The following NRG3 variants were observed in gnomAD, a reference collection of about 807,000 sequenced individuals.
NRG3 encodes the protein neuregulin 3.
In NRG3, 31 loss-of-function variants were observed where a neutral mutation model predicts 66.9. That is an observed-to-expected ratio of 0.46 (90% CI 0.35 to 0.63). The LOEUF (loss-of-function observed/expected upper bound fraction) is 0.63, where lower values mean the gene tolerates loss of function less well. Ranked by LOEUF, NRG3 falls within the 20% of genes least tolerant of loss-of-function variation. The probability of loss-of-function intolerance (pLI) is 0.00; values close to 1 mark genes in which losing one functional copy is unlikely to be tolerated. For synonymous variants in NRG3, 393 were observed against 359.4 expected, an observed-to-expected ratio of 1.09 and a Z score of -1.06; for missense variants, 910 against 878.9, an observed-to-expected ratio of 1.04 and a Z score of -0.45.
At chr10:82,462,775 A>T (rs1019087216) in intron 2 of NRG3, among the ~76,000 whole-genome samples, 4 of 152,222 alleles carry the variant, frequency 2.6e-5, no homozygotes, top group African/African-American at 9.6e-5. Flanking sequence ...GGAGAAAGAT[A>T]GTAAATCTGA....
chr10:82,673,865 A>T (rs1195449994), intron 2 of NRG3, among the ~76,000 whole-genome samples: 1 of 152,174 alleles, frequency 6.6e-6, no homozygotes, highest in Non-Finnish European at 1.5e-5. Context: ...CATTTAAGCC[A>T]GTGTCATGAA....
At chr10:82,784,615 C>T (rs2060264397) in intron 3 of NRG3, among the ~76,000 whole-genome samples, 1 of 152,116 alleles carries the variant, frequency 6.6e-6, no homozygotes, top group Non-Finnish European at 1.5e-5. Context: ...TGCTCATCAT[C>T]ACTGGCCATC....
At chr10:82,854,108 G>T (rs117697084) in intron 3 of NRG3, among the ~76,000 whole-genome samples, 1,580 of 152,304 alleles carry the variant, frequency 0.01, 77 homozygotes, top group Admixed American at 0.078. Context: ...AGAGGCGGAA[G>T]AAAATCACAG....
chr10:82,591,151 G>C (rs1037985203), intron 2 of NRG3, among the ~76,000 whole-genome samples: 1 of 152,172 alleles, frequency 6.6e-6, no homozygotes, highest in Admixed American at 6.5e-5. Context: ...ATACGGCCCG[G>C]GTGACGGGCT....
intron 2 of NRG3, among the ~76,000 whole-genome samples, chr10:82,484,578 G>C (rs1233864456): frequency 6.6e-6 from 1 of 152,014 alleles, no homozygotes; most frequent in Non-Finnish European, 1.5e-5. Flanking sequence ...GCTATCTTTG[G>C]CATTAATTAC....
Position 82,447,678 on chromosome 10 carries a change from A to C in NRG3, c.953+88810A>C, listed in dbSNP as rs1214610119. ...TTGTATTCTATGTAACAACTAGCAG[A>C]GTTGCATTCCTCTCTTAAGTAGTTT... On this transcript the variant is annotated intron_variant, in intron 2 of 8. Transcript: ENST00000372141. Among the ~76,000 whole-genome samples the C allele has an allele frequency of 2.6e-5, 4 of 152,378 alleles. No individual in the cohort carries two copies. In the East Asian group the frequency reaches 7.7e-4, roughly 29 times the overall value.
At chr10:82,057,050 A>G (rs1263404063) in intron 1 of NRG3, among the ~76,000 whole-genome samples, 5 of 152,150 alleles carry the variant, frequency 3.3e-5, no homozygotes, top group Admixed American at 6.5e-5. Context: ...TTTATTTTCT[A>G]TTAGGATTTT....
At chr10:81,990,353 A>G (rs1054233490) in intron 1 of NRG3, among the ~76,000 whole-genome samples, 3 of 152,078 alleles carry the variant, frequency 2.0e-5, no homozygotes, top group Admixed American at 2.0e-4. Flanking sequence ...ACTTAAGTCT[A>G]TTTTCTCCAA....
intron 1 of NRG3, among the ~76,000 whole-genome samples, chr10:82,132,489 TATG>T (rs1299460057): frequency 1.8e-5 from 1 of 56,822 alleles, no homozygotes; most frequent in African/African-American, 7.9e-5. Context: ...GATATATATA[TATG>T]ATATATATAT....
chr10:82,626,866 T>C (rs969415314), intron 2 of NRG3, among the ~76,000 whole-genome samples: 2 of 152,152 alleles, frequency 1.3e-5, no homozygotes, highest in Admixed American at 6.6e-5. Context: ...AGACTCACAG[T>C]TGACCTGTTA....
At chr10:82,016,680 A>G (rs970514595) in intron 1 of NRG3, among the ~76,000 whole-genome samples, 7 of 152,202 alleles carry the variant, frequency 4.6e-5, no homozygotes, top group Admixed American at 3.9e-4. Flanking sequence ...TTATGTTTTA[A>G]GTGAAAAGTA....
At chr10:82,301,132 G>T (rs553704405) in intron 1 of NRG3, among the ~76,000 whole-genome samples, 1 of 152,128 alleles carries the variant, frequency 6.6e-6, no homozygotes, top group African/African-American at 2.4e-5. Context: ...TAACAGTGGC[G>T]TGTGACATCT....
chr10:81,918,620 A>G (rs2132839676), intron 1 of NRG3, among the ~76,000 whole-genome samples: 1 of 152,332 alleles, frequency 6.6e-6, no homozygotes, highest in African/African-American at 2.4e-5. Context: ...TTGCATGTGT[A>G]GCATGCACCT....
chr10:82,898,208 G>T (rs1337982727), intron 4 of NRG3, among the ~76,000 whole-genome samples: 2 of 152,190 alleles, frequency 1.3e-5, no homozygotes, highest in South Asian at 2.1e-4. Flanking sequence ...CTGAGCCCTG[G>T]TTGCCTACAG....
chr10:82,576,399 C>A (rs889229312), intron 2 of NRG3, among the ~76,000 whole-genome samples: 3 of 151,490 alleles, frequency 2.0e-5, no homozygotes, highest in Non-Finnish European at 4.4e-5. Context: ...TGCTCCCCTC[C>A]CCTCCTAGAC....
In NRG3 at chr10:82,733,081, C is replaced by A. The variant is rs556136747; in HGVS notation, c.954-5496C>A. ...ATAAACCATATAGTTTGTCTACAAC[C>A]ATTTCCCTTGTGAAGCTAATTGATT... On this transcript the variant is annotated intron_variant, in intron 2 of 8. Transcript: ENST00000372141. Among the ~76,000 whole-genome samples, 7 of 152,256 alleles carry A rather than the reference C, an allele frequency of 4.6e-5. No homozygotes were observed. The East Asian group carries it at 7.7e-4, about 17-fold the overall frequency.
At chr10:82,211,538 G>A (rs566031673) in intron 1 of NRG3, among the ~76,000 whole-genome samples, 8 of 152,176 alleles carry the variant, frequency 5.3e-5, no homozygotes, top group Admixed American at 1.3e-4. Flanking sequence ...CTGAATAAGC[G>A]TGCACAGGAT....
At chr10:82,794,686 G>T (rs747499176) in intron 3 of NRG3, among the ~76,000 whole-genome samples, 8 of 152,118 alleles carry the variant, frequency 5.3e-5, no homozygotes, top group Non-Finnish European at 1.0e-4. Flanking sequence ...TAACCAAGTT[G>T]CCCTCAAGCT....
chr10:82,750,041 A>G (rs1221691759), intron 3 of NRG3, among the ~76,000 whole-genome samples: 1 of 152,178 alleles, frequency 6.6e-6, no homozygotes, highest in Non-Finnish European at 1.5e-5. Flanking sequence ...TCAGAGGAAA[A>G]CCATAATCAT....
Sources: allele counts gnomAD v4.1 joint callset (sites outside exome capture counted in the v4.1 genomes callset), GRCh38; gene constraint gnomAD v4.1.1; transcripts MANE v1.5; gene names NCBI Gene and HGNC (gene_info 2026-07-23, HGNC 2026-07-21).